SAE1: variants seen among roughly 807,000 people sequenced by gnomAD.
SAE1 encodes the protein SUMO-activating enzyme subunit 1.
SAE1 carries 11 observed loss-of-function variants against 40.6 expected under a neutral mutation model. The observed-to-expected ratio is 0.27, with a 90% confidence interval of 0.17 to 0.45. The LOEUF (loss-of-function observed/expected upper bound fraction) is 0.45, where lower values mean the gene tolerates loss of function less well. Among genes scored for constraint, SAE1 ranks in the 20% least tolerant of loss-of-function variants. The pLI is 1.00. For synonymous variants in SAE1, 155 were observed against 154.3 expected, an observed-to-expected ratio of 1.00 and a Z score of -0.03; for missense variants, 373 against 427.3, an observed-to-expected ratio of 0.87 and a Z score of 1.12.
At chr19:47,200,131 C>T (rs531104420) in intron 7 of SAE1, among the ~76,000 whole-genome samples, 3 of 151,830 alleles carry the variant, frequency 2.0e-5, no homozygotes, top group African/African-American at 4.8e-5. Context: ...GATGTGGTTT[C>T]GCTGTGTTAG....
At chr19:47,206,447 G>A (rs1281185829) in intron 8 of SAE1, among the ~76,000 whole-genome samples, 2 of 152,196 alleles carry the variant, frequency 1.3e-5, no homozygotes, top group Admixed American at 1.3e-4. Context: ...ACTAGGAGAT[G>A]GGTCAAGCGC....
At chr19:47,173,179 A>G (rs1273360784) in intron 6 of SAE1, among the ~76,000 whole-genome samples, 1 of 152,106 alleles carries the variant, frequency 6.6e-6, no homozygotes. Context: ...TTGTATTCTT[A>G]GTAGAGGCAG....
At chr19:47,167,263 A>G (rs1044861955) in intron 5 of SAE1, among the ~76,000 whole-genome samples, 4 of 149,770 alleles carry the variant, frequency 2.7e-5, no homozygotes, top group Non-Finnish European at 5.9e-5. Context: ...CTGCGCCCAG[A>G]TAATTTTTGT....
intron 1 of SAE1, among the ~76,000 whole-genome samples, chr19:47,131,313 C>G (rs906563592): frequency 2.0e-4 from 30 of 151,878 alleles, no homozygotes; most frequent in South Asian, 1.3e-3. Context: ...ATCCGAGGCC[C>G]GAAAGCGGTG....
At chr19:47,200,399 A>ATTTTTTT (rs35657499) in intron 7 of SAE1, among the ~76,000 whole-genome samples, 179 of 102,524 alleles carry the variant, frequency 1.7e-3, no homozygotes, top group African/African-American at 3.6e-3. Context: ...AGCCTGCCTA[A>ATTTTTTT]TTTTTTTTTT....
chr19:47,203,096 G>A (rs1488326864), intron 7 of SAE1, among the ~76,000 whole-genome samples: 1 of 152,154 alleles, frequency 6.6e-6, no homozygotes, highest in Non-Finnish European at 1.5e-5. Flanking sequence ...TGCTTACTAG[G>A]ATGGGTAACT....
chr19:47,163,100 C>T (rs1453038029), intron 5 of SAE1, among the ~76,000 whole-genome samples: 1 of 151,958 alleles, frequency 6.6e-6, no homozygotes. Context: ...CTATAACCTT[C>T]CTTTCAGTAT....
chr19:47,204,323 A>C (rs895942727), intron 8 of SAE1, among the ~76,000 whole-genome samples: 1 of 148,562 alleles, frequency 6.7e-6, no homozygotes, highest in Admixed American at 6.9e-5. Context: ...TTAGCCTTCC[A>C]AGTAGCTGGG....
At chr19:47,167,528 C>T (rs2058401745) in intron 5 of SAE1, among the ~76,000 whole-genome samples, 1 of 152,198 alleles carries the variant, frequency 6.6e-6, no homozygotes, top group African/African-American at 2.4e-5. Context: ...GTGTGAGCCA[C>T]TGCGCCCAGC....
intron 1 of SAE1, among the ~76,000 whole-genome samples, chr19:47,131,708 T>A (rs1339486291): frequency 1.5e-5 from 2 of 132,780 alleles, no homozygotes; most frequent in Admixed American, 7.4e-5. Context: ...TTTTTTTTTT[T>A]TTTTTTTTTT....
chr19:47,184,696 C>T (rs779472626), intron 6 of SAE1, among the ~76,000 whole-genome samples: 1 of 151,978 alleles, frequency 6.6e-6, no homozygotes, highest in Admixed American at 6.6e-5. Context: ...CAGGCGTGAG[C>T]CACCACTGCC....
intron 5 of SAE1, among the ~76,000 whole-genome samples, chr19:47,163,563 A>G (rs1481844944): frequency 1.3e-5 from 2 of 152,010 alleles, no homozygotes; most frequent in East Asian, 3.9e-4. Context: ...CCCCATCTCT[A>G]ACAGAAATAC....
intron 1 of SAE1, among the ~76,000 whole-genome samples, chr19:47,139,950 T>G (rs1305879543): frequency 1.4e-5 from 2 of 147,180 alleles, no homozygotes; most frequent in Admixed American, 1.4e-4. Context: ...TTTTTTTTTT[T>G]TTTTTGAGAC....
At chr19:47,188,456 G>A (rs933160961) in intron 6 of SAE1, among the ~76,000 whole-genome samples, 1 of 152,140 alleles carries the variant, frequency 6.6e-6, no homozygotes. Flanking sequence ...AGGCAGTATC[G>A]TGTCCAGAGC....
chr19:47,180,040 A>G, intron 6 of SAE1: 1 of 383,850 alleles, frequency 2.6e-6, no homozygotes, highest in Admixed American at 3.0e-5. Context: ...GTGGTATTGG[A>G]TTGGAATTGA....
intron 2 of SAE1, among the ~76,000 whole-genome samples, chr19:47,149,206 T>G (rs1314357819): frequency 6.8e-6 from 1 of 147,086 alleles, no homozygotes; most frequent in African/African-American, 2.5e-5. Context: ...AGTCTTGCTC[T>G]GTTGCCCAGG....
chr19:47,196,727 A>G (rs2123310412), intron 6 of SAE1, among the ~76,000 whole-genome samples: 1 of 149,386 alleles, frequency 6.7e-6, no homozygotes, highest in South Asian at 2.1e-4. Flanking sequence ...CCCCCTTCAA[A>G]CTCATATATA....
intron 6 of SAE1, among the ~76,000 whole-genome samples, chr19:47,194,007 T>C (rs183459881): frequency 2.2e-3 from 328 of 152,122 alleles, no homozygotes; most frequent in Non-Finnish European, 3.6e-3. Flanking sequence ...TTTTTTTACC[T>C]GGGCATCTGT....
intron 1 of SAE1, among the ~76,000 whole-genome samples, chr19:47,134,190 G>A (rs2058164963): frequency 6.6e-6 from 1 of 152,020 alleles, no homozygotes; most frequent in South Asian, 2.1e-4. Context: ...CAACTAAGTA[G>A]AAATATGTGA....
Sources: gnomAD v4.1 joint callset for allele counts (sites outside exome capture counted in the v4.1 genomes callset) on GRCh38, gnomAD v4.1.1 for gene constraint, MANE v1.5 for transcripts, NCBI Gene and HGNC (gene_info 2026-07-23, HGNC 2026-07-21) for gene names.